Variants in SLC25A21 observed in about 807,000 individuals in gnomAD.
The protein encoded by SLC25A21 is mitochondrial 2-oxodicarboxylate carrier.
A neutral mutation model predicts 43.8 loss-of-function variants in SLC25A21; 47 were observed. That is an observed-to-expected ratio of 1.07 (90% CI 0.85 to 1.37). SLC25A21 has a LOEUF of 1.37. Among genes scored for constraint, SLC25A21 ranks in the 40% most tolerant of loss-of-function variants. SLC25A21 has a pLI of 0.00. For missense variants in SLC25A21, 352 were observed against 350.2 expected (o/e 1.00, Z -0.04); for synonymous variants, 131 against 121.3 (o/e 1.08, Z -0.52).
At chr14:36,765,748 G>T (rs1252398525) in intron 3 of SLC25A21, among the ~76,000 whole-genome samples, 1 of 152,098 alleles carries the variant, frequency 6.6e-6, no homozygotes, top group African/African-American at 2.4e-5. Context: ...TGAAACAAAG[G>T]ATCAAAGCCG....
intron 1 of SLC25A21, among the ~76,000 whole-genome samples, chr14:37,081,771 C>A (rs1414892405): frequency 1.3e-5 from 2 of 152,054 alleles, no homozygotes; most frequent in Non-Finnish European, 1.5e-5. Context: ...TAAGATGCTG[C>A]AATAAAGACA....
chr14:36,854,447 C>A (rs1343515171), intron 2 of SLC25A21, among the ~76,000 whole-genome samples: 1 of 152,156 alleles, frequency 6.6e-6, no homozygotes, highest in African/African-American at 2.4e-5. Context: ...TATTTGAATT[C>A]TGGCTCTCTC....
chr14:36,811,498 A>G (rs1057051145), intron 3 of SLC25A21, among the ~76,000 whole-genome samples: 1 of 152,122 alleles, frequency 6.6e-6, no homozygotes. Flanking sequence ...TAAAAATAAA[A>G]TAACTAGCCA....
chr14:36,749,790 T>C (rs1310524824), intron 3 of SLC25A21, among the ~76,000 whole-genome samples: 1 of 152,196 alleles, frequency 6.6e-6, no homozygotes, highest in Non-Finnish European at 1.5e-5. Context: ...CTTCACATCT[T>C]TGCACAAACA....
At chr14:36,953,410 CATAT>C (rs1339027957) in intron 1 of SLC25A21, among the ~76,000 whole-genome samples, 4 of 151,924 alleles carry the variant, frequency 2.6e-5, no homozygotes, top group Non-Finnish European at 5.9e-5. Flanking sequence ...ATATAGATAG[CATAT>C]ATAGTCAGAA....
rs1962527297 is a variant in SLC25A21 at position 37,088,569 on chromosome 14, C to T, written c.70+83712G>A. On this transcript the variant is annotated intron_variant, in intron 1 of 9. Transcript: ENST00000331299. Reference sequence around the variant, plus strand: ...AAAATCTTAATTATAAGAAAGTAAACAAAGAGTGGGTTGAAGCAGTGCAGA... The same window carrying T: ...AAAATCTTAATTATAAGAAAGTAAATAAAGAGTGGGTTGAAGCAGTGCAGA... Among the ~76,000 whole-genome samples, 4 of 152,240 alleles carry T rather than the reference C, an allele frequency of 2.6e-5. No homozygotes were observed. In the South Asian group the frequency reaches 8.3e-4, roughly 32 times the overall value.
intron 1 of SLC25A21, among the ~76,000 whole-genome samples, chr14:37,063,685 C>T (rs1307304918): frequency 1.3e-5 from 2 of 152,106 alleles, no homozygotes; most frequent in East Asian, 3.9e-4. Context: ...AATCAGGTTA[C>T]AAGAAGCCAA....
chr14:36,869,486 G>T (rs985768195), intron 2 of SLC25A21, among the ~76,000 whole-genome samples: 1 of 152,200 alleles, frequency 6.6e-6, no homozygotes, highest in Admixed American at 6.5e-5. Context: ...AGAAGGGATT[G>T]CCAGGAAAGA....
At chr14:37,049,673 T>C (rs1257648753) in intron 1 of SLC25A21, among the ~76,000 whole-genome samples, 2 of 152,178 alleles carry the variant, frequency 1.3e-5, no homozygotes, top group African/African-American at 4.8e-5. Flanking sequence ...GAGACCCACA[T>C]ATGTAAGTCC....
At chr14:36,744,161 C>A (rs994224235) in intron 3 of SLC25A21, among the ~76,000 whole-genome samples, 1 of 152,078 alleles carries the variant, frequency 6.6e-6, no homozygotes, top group Non-Finnish European at 1.5e-5. Flanking sequence ...TTACCAATAT[C>A]ATTCCTCACA....
chr14:36,918,902 C>T (rs906427306), intron 1 of SLC25A21, among the ~76,000 whole-genome samples: 2 of 152,056 alleles, frequency 1.3e-5, no homozygotes, highest in African/African-American at 4.8e-5. Context: ...TTCTTTCTCT[C>T]TCTCTTATTT....
chr14:36,720,799 G>A (rs1405428129), intron 6 of SLC25A21, among the ~76,000 whole-genome samples: 1 of 152,202 alleles, frequency 6.6e-6, no homozygotes, highest in African/African-American at 2.4e-5. Context: ...GTTATTTACA[G>A]TAAACAGATA....
intron 5 of SLC25A21, among the ~76,000 whole-genome samples, chr14:36,727,358 T>G (rs535564788): frequency 6.6e-6 from 1 of 152,274 alleles, no homozygotes; most frequent in South Asian, 2.1e-4. Context: ...TTTCATAGAG[T>G]GCTATGCAAA....
intron 1 of SLC25A21, among the ~76,000 whole-genome samples, chr14:36,966,724 G>A (rs1959625126): frequency 6.6e-6 from 1 of 152,202 alleles, no homozygotes; most frequent in South Asian, 2.1e-4. Context: ...TTAGCAAATT[G>A]TGGCAGTAGA....
chr14:37,167,866 A>C (rs781667291), intron 1 of SLC25A21, among the ~76,000 whole-genome samples: 1 of 151,020 alleles, frequency 6.6e-6, no homozygotes, highest in Non-Finnish European at 1.5e-5. Context: ...GACCTGACCA[A>C]TCAGCACTCC....
chr14:36,977,662 G>A (rs1338923742), intron 1 of SLC25A21, among the ~76,000 whole-genome samples: 1 of 152,100 alleles, frequency 6.6e-6, no homozygotes, highest in Non-Finnish European at 1.5e-5. Context: ...TTGTAAAAAA[G>A]TGTGTTTTCT....
intron 1 of SLC25A21, among the ~76,000 whole-genome samples, chr14:37,029,590 G>T (rs892769378): frequency 1.3e-5 from 2 of 152,042 alleles, no homozygotes; most frequent in African/African-American, 4.8e-5. Flanking sequence ...CTTACAGACA[G>T]AATCCCTCTG....
intron 2 of SLC25A21, among the ~76,000 whole-genome samples, chr14:36,858,257 C>T (rs1889961393): frequency 6.6e-6 from 1 of 152,184 alleles, no homozygotes; most frequent in Non-Finnish European, 1.5e-5. Context: ...CTACCCCCAC[C>T]CTCCAGAGCC....
chr14:36,977,268 A>G (rs1189753979), intron 1 of SLC25A21, among the ~76,000 whole-genome samples: 1 of 152,082 alleles, frequency 6.6e-6, no homozygotes, highest in East Asian at 1.9e-4. Context: ...TCCTTTTTCT[A>G]TGAACACTTC....
Sources: gnomAD v4.1 joint callset for allele counts (sites outside exome capture counted in the v4.1 genomes callset) on GRCh38, gnomAD v4.1.1 for gene constraint, MANE v1.5 for transcripts, NCBI Gene and HGNC (gene_info 2026-07-23, HGNC 2026-07-21) for gene names.